SNX2: variants seen among roughly 807,000 people sequenced by gnomAD.
SNX2 encodes sorting nexin-2.
A neutral mutation model predicts 69.9 loss-of-function variants in SNX2; 25 were observed. The observed-to-expected ratio is 0.36, with a 90% CI of 0.26 to 0.50. The LOEUF is 0.50. Among genes scored for constraint, SNX2 ranks in the 20% least tolerant of loss-of-function variants. The pLI is 0.97. For missense variants in SNX2, 551 were observed against 613.3 expected, an observed-to-expected ratio of 0.90 and a Z score of 1.07; for synonymous variants, 229 against 200.4, an observed-to-expected ratio of 1.14 and a Z score of -1.20.
intron 1 of SNX2, 139 bp from the exon 2 acceptor site, chr5:122,795,125 CAG>C (rs1417085763): frequency 1.0e-5 from 6 of 597,648 alleles, no homozygotes; most frequent in Non-Finnish European, 1.8e-5. Flanking sequence ...TTCTTACTCT[CAG>C]AGGAGGATAT....
chr5:122,804,579 G>C (rs779287528), intron 6 of SNX2, among the ~76,000 whole-genome samples: 1 of 151,960 alleles, frequency 6.6e-6, no homozygotes, highest in Non-Finnish European at 1.5e-5. Context: ...ATATTGGCCT[G>C]TCTGGTCTTG....
At chr5:122,780,055 TCAGATGATTCTTAGGGGAG>T (rs2149999628) in intron 1 of SNX2, among the ~76,000 whole-genome samples, 1 of 152,350 alleles carries the variant, frequency 6.6e-6, no homozygotes. Context: ...ATGCCTCCCT[TCAGATGATTCTTAGGGGAG>T]GGAATAATAA....
intron 11 of SNX2, among the ~76,000 whole-genome samples, chr5:122,825,537 T>G (rs1347261057): frequency 6.6e-6 from 1 of 152,062 alleles, no homozygotes; most frequent in African/African-American, 2.4e-5. Flanking sequence ...TTTTTATTCA[T>G]TTTGTTATAT....
chr5:122,799,639 AT>A, intron 2 of SNX2, 52 bp from the exon 3 acceptor site: 1 of 1,325,312 alleles, frequency 7.5e-7, no homozygotes, highest in Non-Finnish European at 1.1e-6. Flanking sequence ...TATGTAGAAT[AT>A]TGGGGGTTTG....
chr5:122,810,263 GC>G (rs538135137), intron 7 of SNX2, among the ~76,000 whole-genome samples: 31 of 150,574 alleles, frequency 2.1e-4, no homozygotes, highest in Middle Eastern at 6.8e-3. Flanking sequence ...CACAAACACT[GC>G]GGAAGGCCGC....
At chr5:122,807,778 C>T (rs1392227942) in intron 6 of SNX2, among the ~76,000 whole-genome samples, 1 of 152,122 alleles carries the variant, frequency 6.6e-6, no homozygotes, top group African/African-American at 2.4e-5. Context: ...TAAATAAGAA[C>T]ATGCTCTTAG....
At chr5:122,804,812 G>A (rs1347443591) in intron 6 of SNX2, among the ~76,000 whole-genome samples, 2 of 152,112 alleles carry the variant, frequency 1.3e-5, no homozygotes, top group Non-Finnish European at 2.9e-5. Context: ...TTCAGTCATA[G>A]GTTTTTATTT....
At chr5:122,826,738 T>C in intron 12 of SNX2, 1 of 478,400 alleles carries the variant, frequency 2.1e-6, no homozygotes, top group Non-Finnish European at 2.7e-6. Context: ...GGGAAAAATA[T>C]CATTTCATTG....
At chr5:122,793,361 C>G (rs544681540) in intron 1 of SNX2, among the ~76,000 whole-genome samples, 2 of 152,104 alleles carry the variant, frequency 1.3e-5, no homozygotes, top group East Asian at 3.9e-4. Flanking sequence ...GGGCCAAAAA[C>G]CAAACACAAA....
chr5:122,780,697 G>A (rs751518304), intron 1 of SNX2, among the ~76,000 whole-genome samples: 20 of 151,118 alleles, frequency 1.3e-4, no homozygotes, highest in Non-Finnish European at 2.2e-4. Flanking sequence ...AGCCTTCCAC[G>A]TAGCTGGGAT....
intron 10 of SNX2, 72 bp from the exon 11 acceptor site, chr5:122,818,746 G>A: frequency 1.6e-6 from 2 of 1,253,262 alleles, no homozygotes; most frequent in East Asian, 2.5e-5. Flanking sequence ...AGAGAAAAGT[G>A]GAAAAATCAA....
chr5:122,795,673 A>G (rs1269709495), intron 2 of SNX2: 12 of 223,230 alleles, frequency 5.4e-5, no homozygotes, highest in Admixed American at 5.6e-5. Flanking sequence ...TGTGATGTTC[A>G]TACTTTGAGA....
chr5:122,829,808 ACACTCT>A lies in SNX2; in HGVS notation c.*161_*166del. On this transcript the variant is annotated 3_prime_UTR_variant, in exon 15 of 15. Coordinates refer to ENST00000379516, the MANE Select transcript of SNX2 (RefSeq NM_003100.4). ...CACACACACACACACACACACACAC[ACACTCT>A]GACATTTTATTACAAGCTGCATGTC... is the stretch of plus-strand genomic sequence containing the variant. The A allele has an allele frequency of 1.9e-6, 1 of 534,680 alleles. No homozygotes were observed. Among genetic ancestry groups the A allele is most frequent in the Non-Finnish European group, 3.3e-6 (1 of 301,932 alleles). 33.1% of individuals were successfully genotyped at this position (534,680 alleles called of 1,614,324 possible). A position where few individuals can be genotyped will look rare whatever the true frequency, so the allele number is the denominator to read the frequency against.
At chr5:122,813,883 C>T (rs949683645) in intron 7 of SNX2, among the ~76,000 whole-genome samples, 2 of 150,310 alleles carry the variant, frequency 1.3e-5, no homozygotes, top group Non-Finnish European at 3.0e-5. Context: ...AAGCAATTCT[C>T]CTGCCTCAGC....
chr5:122,802,281 G>GAT, intron 5 of SNX2, among the ~76,000 whole-genome samples, 157 bp downstream of exon 5: 1 of 152,164 alleles, frequency 6.6e-6, no homozygotes. Flanking sequence ...TGAGTGGTTT[G>GAT]ATATGTAGTG....
intron 6 of SNX2, 27 bp from the exon 7 acceptor site, chr5:122,808,250 C>T (rs754337384): frequency 2.0e-5 from 28 of 1,416,234 alleles, no homozygotes; most frequent in Non-Finnish European, 2.7e-5. Context: ...ATAAAGTCAT[C>T]ATGAATCTCA....
At chr5:122,781,397 G>GT (rs1323655143) in intron 1 of SNX2, among the ~76,000 whole-genome samples, 8 of 152,294 alleles carry the variant, frequency 5.3e-5, no homozygotes, top group African/African-American at 1.9e-4. Context: ...GTATGTAACA[G>GT]TTTGTTGATC....
intron 2 of SNX2, among the ~76,000 whole-genome samples, chr5:122,798,640 A>G (rs1277754087): frequency 1.3e-5 from 2 of 152,126 alleles, no homozygotes; most frequent in African/African-American, 4.8e-5. Context: ...TTCCTTTCCT[A>G]GTATCAGTTC....
At chr5:122,786,196 C>G (rs905077215) in intron 1 of SNX2, among the ~76,000 whole-genome samples, 1 of 152,074 alleles carries the variant, frequency 6.6e-6, no homozygotes, top group African/African-American at 2.4e-5. Flanking sequence ...TGTAGATTGT[C>G]TGCATGACAT....
Sources: allele counts gnomAD v4.1 joint callset (sites outside exome capture counted in the v4.1 genomes callset), GRCh38; gene constraint gnomAD v4.1.1; transcripts MANE v1.5; gene names NCBI Gene and HGNC (gene_info 2026-07-23, HGNC 2026-07-21).